FMN1: variants seen among roughly 807,000 people sequenced by gnomAD.
FMN1 encodes formin-1.
FMN1 carries 110 observed loss-of-function variants against 132.4 expected under a neutral mutation model. The observed-to-expected ratio is 0.83, with a 90% CI of 0.71 to 0.97. The LOEUF (loss-of-function observed/expected upper bound fraction) is 0.97. Among genes scored for constraint, FMN1 ranks in the 50% least tolerant of loss-of-function variants. The pLI, the probability that FMN1 is intolerant of heterozygous loss-of-function variation, is 0.00. For missense variants in FMN1, 1,792 were observed against 1,705.3 expected (o/e 1.05, Z -0.90); for synonymous variants, 722 against 651.7 (o/e 1.11, Z -1.64).
chr15:32,853,084 T>C (rs1280054399), intron 17 of FMN1, among the ~76,000 whole-genome samples: 2 of 152,222 alleles, frequency 1.3e-5, no homozygotes, highest in Non-Finnish European at 2.9e-5. Context: ...GCGGTAACAG[T>C]ACTCACTTCA....
intron 9 of FMN1, among the ~76,000 whole-genome samples, chr15:32,962,670 A>C (rs1258851500): frequency 6.7e-6 from 1 of 149,188 alleles, no homozygotes; most frequent in Non-Finnish European, 1.5e-5. Flanking sequence ...ACCCCATCAA[A>C]AAGTGGGCGA....
At chr15:32,911,985 T>G (rs920367806) in intron 10 of FMN1, among the ~76,000 whole-genome samples, 1 of 152,162 alleles carries the variant, frequency 6.6e-6, no homozygotes, top group South Asian at 2.1e-4. Context: ...AAAACCAAAA[T>G]AGCCAGAAAC....
At chr15:32,934,590 T>C (rs1383456653) in intron 9 of FMN1, among the ~76,000 whole-genome samples, 2 of 149,500 alleles carry the variant, frequency 1.3e-5, no homozygotes, top group South Asian at 2.1e-4. Context: ...TGAAAGACAA[T>C]TTTTTTCCTT....
intron 4 of FMN1, among the ~76,000 whole-genome samples, chr15:33,111,390 G>A (rs12900907): frequency 0.054 from 8,185 of 152,130 alleles, 378 homozygotes; most frequent in African/African-American, 0.12. Flanking sequence ...AGCCTAAAAT[G>A]GTACAGCAGC....
intron 6 of FMN1, among the ~76,000 whole-genome samples, chr15:33,025,448 C>G (rs566311571): frequency 1.3e-5 from 2 of 152,172 alleles, no homozygotes; most frequent in African/African-American, 4.8e-5. Flanking sequence ...GAAAACCTTT[C>G]AAAAATTCTT....
At chr15:32,849,266 T>C (rs964837615) in intron 17 of FMN1, among the ~76,000 whole-genome samples, 12 of 151,806 alleles carry the variant, frequency 7.9e-5, no homozygotes, top group Non-Finnish European at 1.8e-4. Flanking sequence ...GCTGTGATTA[T>C]AGGCGTGAGC....
intron 7 of FMN1, among the ~76,000 whole-genome samples, chr15:32,980,981 C>A (rs2032608573): frequency 6.6e-6 from 1 of 151,662 alleles, no homozygotes; most frequent in South Asian, 2.1e-4. Context: ...GCCACTGCAC[C>A]CCAGCCTGGG....
intron 7 of FMN1, among the ~76,000 whole-genome samples, chr15:32,982,164 AG>A (rs1362223066): frequency 6.6e-6 from 1 of 152,264 alleles, no homozygotes. Context: ...TCATCTCAAC[AG>A]GAAGACACAA....
Position 32,774,034 on chromosome 15 carries a change from T to C in FMN1, c.*276A>G, listed in dbSNP as rs1434261185. On this transcript the variant is annotated 3_prime_UTR_variant, in exon 21 of 21. Coordinates refer to ENST00000616417, the MANE Select transcript of FMN1 (RefSeq NM_001277313.2). ...AATTTTGGAAACATTTTGGTATTTC[T>C]TCTGCTCTTAGAGTGGACTTTGGGC... 1.1e-5 allele frequency: 5 copies of C among 450,520 alleles called. No individual in the cohort carries two copies. In the Admixed American group the frequency reaches 2.3e-4, roughly 20 times the overall value. The allele number at this position is 450,520 out of a possible 1,614,324, so 27.9% of individuals were successfully genotyped here. A position where few individuals can be genotyped will look rare whatever the true frequency, so the allele number is the denominator to read the frequency against.
chr15:33,106,549 G>C (rs1026174486), intron 4 of FMN1, among the ~76,000 whole-genome samples: 1 of 151,734 alleles, frequency 6.6e-6, no homozygotes, highest in Non-Finnish European at 1.5e-5. Flanking sequence ...ACTTTTTCTT[G>C]AAGTTCCTTT....
chr15:33,169,312 A>G (rs1421982909), intron 3 of FMN1, among the ~76,000 whole-genome samples: 2 of 152,240 alleles, frequency 1.3e-5, no homozygotes, highest in African/African-American at 2.4e-5. Flanking sequence ...CTAGAAATCT[A>G]CTATGCTCCT....
At position 33,032,961 on chromosome 15, in the gene FMN1, G is replaced by A. The variant is rs372486166; in HGVS notation, c.2162-24886C>T. On this transcript the variant is annotated intron_variant, in intron 6 of 20. Transcript: ENST00000616417. ...ATTAAGTATTTGTTCAACGCTTAGA[G>A]AAGTGCCTGGCATATAGGCATGCAG... 5.9e-4 allele frequency among the ~76,000 whole-genome samples: 90 copies of A among 152,286 alleles called. No individual in the cohort carries two copies. In the South Asian group the frequency reaches 0.018, roughly 30 times the overall value.
chr15:32,922,778 A>T, intron 10 of FMN1, among the ~76,000 whole-genome samples: 1 of 152,188 alleles, frequency 6.6e-6, no homozygotes, highest in Non-Finnish European at 1.5e-5. Flanking sequence ...TTCTATTCCT[A>T]TCAACTTAAT....
chr15:32,982,706 C>G (rs1388113954), intron 7 of FMN1, among the ~76,000 whole-genome samples: 1 of 152,094 alleles, frequency 6.6e-6, no homozygotes, highest in Non-Finnish European at 1.5e-5. Context: ...ACTGACTCTC[C>G]CACTACTAAG....
intron 6 of FMN1, among the ~76,000 whole-genome samples, chr15:33,017,957 C>CG (rs926058699): frequency 6.6e-5 from 10 of 151,852 alleles, no homozygotes; most frequent in Admixed American, 5.9e-4. Flanking sequence ...CCCAGCTACT[C>CG]GGGGGGCAGA....
intron 17 of FMN1, among the ~76,000 whole-genome samples, chr15:32,813,608 T>C (rs192641551): frequency 2.9e-4 from 44 of 152,358 alleles, no homozygotes; most frequent in African/African-American, 1.0e-3. Context: ...TGCTTCTGTG[T>C]AGTCCAGTGA....
intron 17 of FMN1, among the ~76,000 whole-genome samples, chr15:32,829,697 G>T (rs2058456628): frequency 1.3e-5 from 2 of 152,132 alleles, no homozygotes; most frequent in African/African-American, 4.8e-5. Flanking sequence ...AAGCAATAAG[G>T]ATTCTCTGAC....
At chr15:32,933,699 A>AT (rs1180329435) in intron 9 of FMN1, among the ~76,000 whole-genome samples, 1 of 152,090 alleles carries the variant, frequency 6.6e-6, no homozygotes. Context: ...CCCTTTTATC[A>AT]TTAAATAGTG....
In FMN1 at chr15:33,069,443, C is replaced by T. The variant is rs1176674590; in HGVS notation, c.2044-4369G>A. Among the ~76,000 whole-genome samples the T allele has an allele frequency of 2.0e-5, 3 of 152,144 alleles. No homozygotes were observed. In the East Asian group the frequency reaches 5.8e-4, roughly 29 times the overall value. The stretch of plus-strand genomic sequence containing the variant: ...TTGCCATCTCTGTTTGAGCAAAGGT[C>T]CAAGAAGATTGTGGTCAAGTGTTAA... On this transcript the variant is annotated intron_variant, in intron 5 of 20. Coordinates refer to ENST00000616417, the MANE Select transcript of FMN1 (RefSeq NM_001277313.2).
Sources: gnomAD v4.1 joint callset for allele counts (sites outside exome capture counted in the v4.1 genomes callset) on GRCh38, gnomAD v4.1.1 for gene constraint, MANE v1.5 for transcripts, NCBI Gene and HGNC (gene_info 2026-07-23, HGNC 2026-07-21) for gene names.